The following MDGA2 variants were observed in gnomAD, a reference collection of about 807,000 sequenced individuals.
The protein encoded by MDGA2 is MAM domain-containing glycosylphosphatidylinositol anchor protein 2.
MDGA2 carries 40 observed loss-of-function variants against 117.8 expected under a neutral mutation model. That is an observed-to-expected ratio of 0.34 (90% CI 0.26 to 0.44). The LOEUF is 0.44. Among genes scored for constraint, MDGA2 ranks in the 20% least tolerant of loss-of-function variants. The pLI is 1.00. For synonymous variants in MDGA2, 452 were observed against 439.0 expected (o/e 1.03, Z -0.37); for missense variants, 1,123 against 1,250.6 (o/e 0.90, Z 1.54).
chr14:47,109,122 A>G (rs1307185830), intron 5 of MDGA2, among the ~76,000 whole-genome samples: 1 of 152,164 alleles, frequency 6.6e-6, no homozygotes, highest in East Asian at 1.9e-4. Flanking sequence ...GAAAAATCCA[A>G]GCTAAGCATT....
intron 3 of MDGA2, among the ~76,000 whole-genome samples, chr14:47,197,504 G>A (rs567770772): frequency 5.7e-4 from 87 of 152,072 alleles, no homozygotes; most frequent in Middle Eastern, 3.4e-3. Context: ...TGATATTTAC[G>A]CTGCCCAGTC....
intron 1 of MDGA2, among the ~76,000 whole-genome samples, chr14:47,384,603 G>GT (rs923534872): frequency 6.6e-6 from 1 of 151,698 alleles, no homozygotes; most frequent in African/African-American, 2.4e-5. Flanking sequence ...ATACTTTTAT[G>GT]TTTTGCAGTA....
chr14:47,277,643 G>A (rs1303409323), intron 2 of MDGA2, among the ~76,000 whole-genome samples: 2 of 152,058 alleles, frequency 1.3e-5, no homozygotes, highest in Admixed American at 1.3e-4. Flanking sequence ...CATCAGTTGG[G>A]GAAAAGCATA....
At chr14:46,872,058 C>T (rs1882026000) in intron 14 of MDGA2, 1 of 157,874 alleles carries the variant, frequency 6.3e-6, no homozygotes. Flanking sequence ...GTGAAGAATA[C>T]TAGTTAATAC....
intron 3 of MDGA2, among the ~76,000 whole-genome samples, chr14:47,144,534 A>G (rs1475446411): frequency 6.6e-6 from 1 of 152,172 alleles, no homozygotes; most frequent in Non-Finnish European, 1.5e-5. Flanking sequence ...GCCACATAAA[A>G]CAGAGTTCCA....
At chr14:46,915,940 C>T (rs1055634414) in intron 10 of MDGA2, among the ~76,000 whole-genome samples, 7 of 152,030 alleles carry the variant, frequency 4.6e-5, no homozygotes, top group Non-Finnish European at 8.8e-5. Context: ...TATCTCTGGG[C>T]ATCTCTGGGC....
chr14:46,943,293 G>T, intron 9 of MDGA2, among the ~76,000 whole-genome samples: 1 of 151,762 alleles, frequency 6.6e-6, no homozygotes, highest in Non-Finnish European at 1.5e-5. Flanking sequence ...GTGCGTTTTT[G>T]GTAGAAAACA....
At chr14:47,497,256 T>C (rs570560491) in intron 1 of MDGA2, among the ~76,000 whole-genome samples, 9 of 152,302 alleles carry the variant, frequency 5.9e-5, no homozygotes, top group Non-Finnish European at 1.0e-4. Flanking sequence ...AGATTTTCAA[T>C]GTTGAGTCTT....
chr14:47,368,201 G>A (rs1292565526), intron 1 of MDGA2, among the ~76,000 whole-genome samples: 1 of 152,032 alleles, frequency 6.6e-6, no homozygotes, highest in African/African-American at 2.4e-5. Flanking sequence ...AGAATCGCTT[G>A]AACCCAGAAG....
chr14:47,256,345 T>C (rs1887619231), intron 2 of MDGA2, among the ~76,000 whole-genome samples: 2 of 152,142 alleles, frequency 1.3e-5, no homozygotes, highest in Admixed American at 1.3e-4. Flanking sequence ...CTAAATGTCT[T>C]TCCGTCACTT....
intron 3 of MDGA2, among the ~76,000 whole-genome samples, chr14:47,210,803 G>C (rs559363875): frequency 6.6e-6 from 1 of 152,222 alleles, no homozygotes; most frequent in Admixed American, 6.5e-5. Flanking sequence ...AGGACTGCTT[G>C]AGGCCAGGCA....
chr14:47,551,846 C>T (rs1296756355), intron 1 of MDGA2, among the ~76,000 whole-genome samples: 5 of 151,764 alleles, frequency 3.3e-5, no homozygotes, highest in Admixed American at 1.3e-4. Context: ...TGTCCTTTCC[C>T]GGTAGATCTT....
At chr14:47,464,920 C>A (rs928975860) in intron 1 of MDGA2, among the ~76,000 whole-genome samples, 23 of 151,974 alleles carry the variant, frequency 1.5e-4, no homozygotes, top group African/African-American at 5.3e-4. Flanking sequence ...AGCCAGAGAG[C>A]CAGAGTCATC....
chr14:46,891,178 G>T (rs1882869977), intron 10 of MDGA2, among the ~76,000 whole-genome samples: 1 of 151,886 alleles, frequency 6.6e-6, no homozygotes, highest in Admixed American at 6.6e-5. Context: ...TATTTATTGA[G>T]TGATTGCTAT....
chr14:47,420,336 T>C (rs928115587), intron 1 of MDGA2, among the ~76,000 whole-genome samples: 9 of 152,094 alleles, frequency 5.9e-5, no homozygotes, highest in East Asian at 1.9e-4. Context: ...AGGAATGAGA[T>C]AGACTATATC....
At chr14:46,957,860 A>G (rs1885626312) in intron 8 of MDGA2, among the ~76,000 whole-genome samples, 2 of 152,148 alleles carry the variant, frequency 1.3e-5, no homozygotes, top group South Asian at 2.1e-4. Context: ...TGCTTTACAA[A>G]TGCATTTGCA....
chr14:47,415,541 T>C (rs1383932312), intron 1 of MDGA2, among the ~76,000 whole-genome samples: 1 of 152,170 alleles, frequency 6.6e-6, no homozygotes, highest in Non-Finnish European at 1.5e-5. Context: ...AATCTCTTAC[T>C]GTGCCTGATT....
At chr14:47,198,550 C>T (rs10143127) in intron 3 of MDGA2, among the ~76,000 whole-genome samples, 33,072 of 151,592 alleles carry the variant, frequency 0.22, 4,063 homozygotes, top group East Asian at 0.33. Flanking sequence ...CCAGCCTGGG[C>T]GACAGAGCGA....
At chr14:47,413,832 T>A (rs1026598204) in intron 1 of MDGA2, among the ~76,000 whole-genome samples, 4 of 151,960 alleles carry the variant, frequency 2.6e-5, no homozygotes, top group Non-Finnish European at 5.9e-5. Flanking sequence ...ATAGAGTGAG[T>A]TAGCTAATCA....
Sources: allele counts gnomAD v4.1 joint callset (sites outside exome capture counted in the v4.1 genomes callset), GRCh38; gene constraint gnomAD v4.1.1; transcripts MANE v1.5; gene names NCBI Gene and HGNC (gene_info 2026-07-23, HGNC 2026-07-21).